Variants in AP3S1 observed in about 807,000 individuals in gnomAD.
AP3S1 encodes the protein AP-3 complex subunit sigma-1.
Under a neutral mutation model 21.3 loss-of-function variants are expected in AP3S1, and 12 were observed. The observed-to-expected ratio is 0.56, with a 90% CI of 0.36 to 0.91. AP3S1 has a LOEUF of 0.91. AP3S1 is among the 40% of genes least tolerant of loss of function. The pLI is 0.01. For missense variants in AP3S1, 116 were observed against 225.0 expected (o/e 0.52, Z 3.10); for synonymous variants, 48 against 78.4 (o/e 0.61, Z 2.05).
chr5:115,846,233 T>C (rs956461335), intron 1 of AP3S1, among the ~76,000 whole-genome samples: 3 of 152,252 alleles, frequency 2.0e-5, no homozygotes, highest in Non-Finnish European at 4.4e-5. Context: ...GGTCTTAACC[T>C]CCTGGCCTCA....
intron 1 of AP3S1, among the ~76,000 whole-genome samples, chr5:115,860,483 A>G (rs2112808137): frequency 6.6e-6 from 1 of 152,156 alleles, no homozygotes; most frequent in Non-Finnish European, 1.5e-5. Flanking sequence ...TTTGTTGGGG[A>G]TGGTAGTGGG....
chr5:115,882,513 G>T (rs933191656), intron 3 of AP3S1, among the ~76,000 whole-genome samples: 2 of 152,120 alleles, frequency 1.3e-5, no homozygotes, highest in Non-Finnish European at 2.9e-5. Context: ...CGTTTGCCTG[G>T]GTATCACCAG....
At chr5:115,894,158 G>T (rs947495301) in intron 3 of AP3S1, among the ~76,000 whole-genome samples, 1 of 152,216 alleles carries the variant, frequency 6.6e-6, no homozygotes, top group African/African-American at 2.4e-5. Flanking sequence ...GAAGACTCCA[G>T]TTGCAAGCTG....
At chr5:115,856,670 C>T (rs1254147116) in intron 1 of AP3S1, among the ~76,000 whole-genome samples, 3 of 152,066 alleles carry the variant, frequency 2.0e-5, no homozygotes, top group Non-Finnish European at 4.4e-5. Context: ...GATGGGGTCT[C>T]ACTTTGTAGC....
chr5:115,884,715 T>G (rs1749625565), intron 3 of AP3S1, among the ~76,000 whole-genome samples: 1 of 152,264 alleles, frequency 6.6e-6, no homozygotes, highest in Non-Finnish European at 1.5e-5. Context: ...TACAGAGTCT[T>G]TCTAAACTTA....
intron 3 of AP3S1, among the ~76,000 whole-genome samples, chr5:115,881,874 A>G (rs1292571480): frequency 6.6e-6 from 1 of 151,960 alleles, no homozygotes; most frequent in Non-Finnish European, 1.5e-5. Context: ...GTAGTGTCAT[A>G]TTTCTTGGAG....
chr5:115,899,400 T>G (rs1414409503), intron 4 of AP3S1, among the ~76,000 whole-genome samples: 3 of 152,194 alleles, frequency 2.0e-5, no homozygotes, highest in Non-Finnish European at 4.4e-5. Context: ...TTACGCTCCA[T>G]GGAAAAGAAC....
chr5:115,882,222 C>G (rs763474890), intron 3 of AP3S1, among the ~76,000 whole-genome samples: 2 of 152,038 alleles, frequency 1.3e-5, no homozygotes, highest in African/African-American at 4.8e-5. Context: ...AACTCATTCA[C>G]CTTCCAGTTT....
At chr5:115,911,013 T>C (rs1752059474) in intron 5 of AP3S1, among the ~76,000 whole-genome samples, 2 of 152,270 alleles carry the variant, frequency 1.3e-5, no homozygotes, top group South Asian at 2.1e-4. Context: ...AGAAGAATTG[T>C]AGTTTGTTGT....
chr5:115,851,004 G>A (rs778819009), intron 1 of AP3S1, among the ~76,000 whole-genome samples: 1 of 152,136 alleles, frequency 6.6e-6, no homozygotes, highest in Non-Finnish European at 1.5e-5. Context: ...TGAGATGCAG[G>A]GAGTAGTTTA....
chr5:115,902,852 C>T (rs755530135), intron 4 of AP3S1, 33 bp from the exon 5 acceptor site: 1 of 1,282,302 alleles, frequency 7.8e-7, no homozygotes, highest in Admixed American at 2.5e-5. Context: ...AGTGAATTTT[C>T]TTTATGGGTA....
intron 3 of AP3S1, among the ~76,000 whole-genome samples, chr5:115,876,827 A>T (rs1411611699): frequency 6.6e-6 from 1 of 152,168 alleles, no homozygotes; most frequent in Non-Finnish European, 1.5e-5. Flanking sequence ...ATTTTGGGCA[A>T]GAATACCACA....
intron 4 of AP3S1, 89 bp downstream of exon 4, chr5:115,895,247 AT>A: frequency 1.2e-6 from 1 of 843,800 alleles, no homozygotes; most frequent in Non-Finnish European, 1.8e-6. Flanking sequence ...GAATAATTCT[AT>A]TTTTATTCTT....
chr5:115,893,091 C>T (rs955818112), intron 3 of AP3S1, among the ~76,000 whole-genome samples: 1 of 152,122 alleles, frequency 6.6e-6, no homozygotes, highest in Non-Finnish European at 1.5e-5. Flanking sequence ...AATAATTTCC[C>T]CATAAGCAAA....
At chr5:115,856,744 G>A (rs1762830768) in intron 1 of AP3S1, among the ~76,000 whole-genome samples, 1 of 152,180 alleles carries the variant, frequency 6.6e-6, no homozygotes, top group South Asian at 2.1e-4. Context: ...AAAGTGCTGG[G>A]ATTACAAACG....
intron 3 of AP3S1, among the ~76,000 whole-genome samples, chr5:115,882,795 C>G (rs181809584): frequency 2.2e-4 from 34 of 152,308 alleles, no homozygotes; most frequent in African/African-American, 3.1e-4. Context: ...TGAAGCTGTG[C>G]TCACAGCCAC....
chr5:115,882,999 G>C (rs1279269839), intron 3 of AP3S1, among the ~76,000 whole-genome samples: 3 of 152,206 alleles, frequency 2.0e-5, no homozygotes, highest in African/African-American at 7.2e-5. Flanking sequence ...TGTTTACACT[G>C]TGAGGGGTAA....
intron 1 of AP3S1, among the ~76,000 whole-genome samples, chr5:115,844,966 G>C (rs1482863125): frequency 7.0e-6 from 1 of 142,630 alleles, no homozygotes. Flanking sequence ...TTTGCTAAAT[G>C]CATTTATTTA....
intron 4 of AP3S1, among the ~76,000 whole-genome samples, chr5:115,900,918 C>T (rs766010858): frequency 6.6e-6 from 1 of 152,158 alleles, no homozygotes; most frequent in Non-Finnish European, 1.5e-5. Flanking sequence ...CTGGCTTTCT[C>T]GTTTTCCATA....
Sources: allele counts gnomAD v4.1 joint callset (sites outside exome capture counted in the v4.1 genomes callset), GRCh38; gene constraint gnomAD v4.1.1; transcripts MANE v1.5; gene names NCBI Gene and HGNC (gene_info 2026-07-23, HGNC 2026-07-21).